ROCK1: variants seen among roughly 807,000 people sequenced by gnomAD.
ROCK1 encodes the protein rho-associated protein kinase 1.
In ROCK1, 36 loss-of-function variants were observed where a neutral mutation model predicts 196.8. The ratio of observed to expected loss-of-function variants is 0.18; its 90% CI spans 0.14 to 0.24. The LOEUF is 0.24. ROCK1 is among the 10% of genes least tolerant of loss of function. The pLI is 1.00. For missense variants in ROCK1, 920 were observed against 1,562.0 expected (o/e 0.59, Z 6.93); for synonymous variants, 443 against 515.9 (o/e 0.86, Z 1.91).
At chr18:21,056,175 C>G (rs1479991212) in intron 2 of ROCK1, among the ~76,000 whole-genome samples, 2 of 152,198 alleles carry the variant, frequency 1.3e-5, no homozygotes, top group African/African-American at 4.8e-5. Flanking sequence ...ACTCACTTCT[C>G]TGGTGGGCTT....
chr18:21,049,648 G>A, intron 3 of ROCK1, 132 bp downstream of exon 3: 1 of 629,692 alleles, frequency 1.6e-6, no homozygotes, highest in Non-Finnish European at 2.7e-6. Flanking sequence ...CATACCCTCA[G>A]GCAACAATGT....
Position 21,042,195 on chromosome 18 carries a change from G to A in ROCK1, c.861C>T (p.Tyr287=). The change falls in exon 8 of 33, where the codon TAC becomes TAT. Residue 287 remains tyrosine (Y), a synonymous_variant. Coordinates refer to ENST00000399799, the MANE Select transcript of ROCK1 (RefSeq NM_005406.3). ...AATTTTTATGGTTCATAATTTTACTGTAAGTTCCAACCAAAGAATCTGCAT... is the reference window on the plus strand; with the variant it reads ...AATTTTTATGGTTCATAATTTTACTATAAGTTCCAACCAAAGAATCTGCAT... ...PFYADSLVGT[Y]SKIMNHKNSL... 2 of 1,601,786 alleles carry A rather than the reference G, an allele frequency of 1.2e-6. No individual in the cohort carries two copies. The highest frequency in any genetic ancestry group is 2.3e-5 in the East Asian group (1 of 44,308).
rs1423269978 is a variant in ROCK1, at chr18:20,950,199, A to G, written c.*1185T>C. The G allele has an allele frequency of 6.6e-6, 1 of 152,590 alleles. No homozygotes were observed. The highest frequency in any genetic ancestry group is 1.5e-5 in the Non-Finnish European group (1 of 68,050). 9.5% of individuals were successfully genotyped at this position (152,590 alleles called of 1,614,324 possible). A position where few individuals can be genotyped will look rare whatever the true frequency, so the allele number is the denominator to read the frequency against. On this transcript the variant is annotated 3_prime_UTR_variant, in exon 33 of 33. Coordinates refer to ENST00000399799, the MANE Select transcript of ROCK1 (RefSeq NM_005406.3). ...CTATGTTAACTGGAAAACATCATGG[A>G]TGTATTGCCATATTTCCTTTTTATG...
chr18:21,021,876 G>A (rs918969194), intron 11 of ROCK1, among the ~76,000 whole-genome samples: 3 of 152,078 alleles, frequency 2.0e-5, no homozygotes, highest in Non-Finnish European at 2.9e-5. Context: ...TTATTATTAC[G>A]TAGGTCAAAG....
chr18:21,076,146 G>T (rs1360920582), intron 1 of ROCK1, among the ~76,000 whole-genome samples: 2 of 152,158 alleles, frequency 1.3e-5, no homozygotes, highest in African/African-American at 4.8e-5. Context: ...CAAATCATTT[G>T]CCATTTAAAC....
intron 22 of ROCK1, among the ~76,000 whole-genome samples, chr18:20,974,059 C>T (rs1339116206): frequency 1.3e-5 from 2 of 152,122 alleles, no homozygotes; most frequent in African/African-American, 2.4e-5. Context: ...CGTGAGCCAC[C>T]GTGCCCAGCA....
At position 20,947,788 on chromosome 18, in the gene ROCK1, T is replaced by A. The variant is rs1257512534; in HGVS notation, c.*3596A>T. Reference sequence around the variant, plus strand: ...ATTTTCTTGGTGGAGGTCGTATACATCTTTCAGTAGATTGTTTTTAAATTT... The same window carrying A: ...ATTTTCTTGGTGGAGGTCGTATACAACTTTCAGTAGATTGTTTTTAAATTT... On this transcript the variant is annotated 3_prime_UTR_variant, in exon 33 of 33. Transcript: ENST00000399799. 3.9e-5 allele frequency: 6 copies of A among 152,232 alleles called. No homozygotes were observed. Among genetic ancestry groups the A allele is most frequent in the Non-Finnish European group, 7.3e-5 (5 of 68,052 alleles). The allele number at this position is 152,232 out of a possible 1,614,324, so 9.4% of individuals were successfully genotyped here.
intron 13 of ROCK1, among the ~76,000 whole-genome samples, chr18:21,011,352 T>C (rs1241476807): frequency 3.3e-5 from 5 of 152,250 alleles, no homozygotes; most frequent in Non-Finnish European, 7.3e-5. Flanking sequence ...CTGCCCTAGA[T>C]ATTACATTGT....
rs1250087562 is a variant in ROCK1 at position 20,970,398 on chromosome 18, C to T, written c.2770G>A (p.Ala924Thr). The T allele has an allele frequency of 6.2e-7, 1 of 1,613,906 alleles. No individual in the cohort carries two copies. Residue 924 changes from alanine (A) to threonine (T), a missense_variant, in exon 23 of 33, where the codon GCT becomes ACT. Transcript: ENST00000399799. ...FELTQESKKAASRNRQEITDK... is the reference protein window; with the variant it reads ...FELTQESKKATSRNRQEITDK... ...GTAATCTCTTGTCTATTTCTTGAAG[C>T]AGCTTTCTTGCTTTCTTGCGTCAAT...
At chr18:21,110,603 A>G (rs896119268) in intron 1 of ROCK1, among the ~76,000 whole-genome samples, 2 of 152,202 alleles carry the variant, frequency 1.3e-5, no homozygotes, top group African/African-American at 2.4e-5. Context: ...GTCAGAATTA[A>G]AAGTTCAGAG....
Position 20,967,733 on chromosome 18 carries a change from A to ATT in ROCK1, c.3192+18_3192+19insAA. The ATT allele has an allele frequency of 6.4e-7, 1 of 1,550,610 alleles. No individual in the cohort carries two copies. Among genetic ancestry groups the ATT allele is most frequent in the South Asian group, 1.2e-5 (1 of 81,168 alleles). Reference sequence around the variant, plus strand: ...AATAATCCTTCACACTCATATCCATACACACACAGAAACCTTACCGCTTGC... The same window carrying ATT: ...AATAATCCTTCACACTCATATCCATATTCACACACAGAAACCTTACCGCTTGC... On this transcript the variant is annotated intron_variant, in intron 26 of 32. Coordinates refer to ENST00000399799, the MANE Select transcript of ROCK1 (RefSeq NM_005406.3).
At chr18:20,981,159 C>G (rs2035528942) in intron 21 of ROCK1, among the ~76,000 whole-genome samples, 1 of 151,974 alleles carries the variant, frequency 6.6e-6, no homozygotes, top group Non-Finnish European at 1.5e-5. Context: ...CTTTGGGAGG[C>G]CGAGGCGGGC....
chr18:21,015,375 A>C (rs2143453410), intron 13 of ROCK1, 56 bp downstream of exon 13: 2 of 1,161,928 alleles, frequency 1.7e-6, no homozygotes, highest in East Asian at 4.9e-5. Context: ...GAAACGAAAC[A>C]ATTTGAAAGA....
chr18:21,086,109 TA>T lies in ROCK1; in HGVS notation c.94-15497del, dbSNP rs1163643132. Among the ~76,000 whole-genome samples the T allele has an allele frequency of 3.2e-5, 3 of 94,638 alleles. No homozygotes were observed. In the Admixed American group the frequency reaches 5.4e-4, roughly 17 times the overall value. The allele number at this position is 94,638 out of a possible 152,430, so 62.1% of individuals were successfully genotyped here. ...TCTTTGGTTAGTAGTAGTATGGAAA[TA>T]ATTTTTTTTTTTTTTTTTTGAGACT... On this transcript the variant is annotated intron_variant, in intron 1 of 32. Coordinates refer to ENST00000399799, the MANE Select transcript of ROCK1 (RefSeq NM_005406.3).
At chr18:21,001,444 A>C (rs777373478) in intron 16 of ROCK1, among the ~76,000 whole-genome samples, 11 of 152,200 alleles carry the variant, frequency 7.2e-5, no homozygotes, top group Non-Finnish European at 1.3e-4. Flanking sequence ...ACCTTAATTA[A>C]AAAATATAGA....
At chr18:21,099,143 G>A (rs932075001) in intron 1 of ROCK1, among the ~76,000 whole-genome samples, 1 of 152,152 alleles carries the variant, frequency 6.6e-6, no homozygotes, top group Non-Finnish European at 1.5e-5. Flanking sequence ...ATCCATAGGA[G>A]ACTGAATTAA....
rs1050505899 is a variant in ROCK1 at position 21,053,493 on chromosome 18, T to G, written c.176-3613A>C. Among the ~76,000 whole-genome samples, 26 of 152,208 alleles carry G rather than the reference T, an allele frequency of 1.7e-4. 1 individual carries two copies. The highest frequency in any genetic ancestry group is 2.6e-4 in the Admixed American group (4 of 15,278). On this transcript the variant is annotated intron_variant, in intron 2 of 32. Transcript: ENST00000399799. ...CATTGCATAATTTAAAAAAATGCTT[T>G]GCCACCTAACTTGATAAAAATAATC...
chr18:21,032,685 A>ATT (rs539290410), intron 9 of ROCK1, among the ~76,000 whole-genome samples: 5 of 126,330 alleles, frequency 4.0e-5, no homozygotes, highest in African/African-American at 5.9e-5. Flanking sequence ...ATGCCTGGCT[A>ATT]TTTTTTTTTT....
At chr18:21,075,416 G>C (rs2143559114) in intron 1 of ROCK1, among the ~76,000 whole-genome samples, 1 of 152,326 alleles carries the variant, frequency 6.6e-6, no homozygotes, top group South Asian at 2.1e-4. Flanking sequence ...ATAATTTGGA[G>C]AGATGATAAA....
Sources: allele counts gnomAD v4.1 joint callset (sites outside exome capture counted in the v4.1 genomes callset), GRCh38; gene constraint gnomAD v4.1.1; transcripts MANE v1.5; gene names NCBI Gene and HGNC (gene_info 2026-07-23, HGNC 2026-07-21).